Variants in CES5A observed in about 807,000 individuals in gnomAD.
CES5A encodes the protein carboxylesterase 5.
CES5A carries 67 observed loss-of-function variants against 62.9 expected under a neutral mutation model. The observed-to-expected ratio is 1.07, with a 90% CI of 0.88 to 1.31. The LOEUF (loss-of-function observed/expected upper bound fraction) is 1.31. Among genes scored for constraint, CES5A ranks in the 50% most tolerant of loss-of-function variants. CES5A has a pLI of 0.00. For missense variants in CES5A, 748 were observed against 708.5 expected (o/e 1.06, Z -0.63); for synonymous variants, 296 against 280.8 (o/e 1.05, Z -0.54).
chr16:55,912,773 G>T (rs1229068950), intron 1 of CES5A, among the ~76,000 whole-genome samples: 1 of 152,134 alleles, frequency 6.6e-6, no homozygotes, highest in Non-Finnish European at 1.5e-5. Flanking sequence ...ACTCACAGAC[G>T]CCTAGAACTG....
At chr16:55,910,186 C>G (rs962889870) in intron 1 of CES5A, among the ~76,000 whole-genome samples, 2 of 152,214 alleles carry the variant, frequency 1.3e-5, no homozygotes, top group Non-Finnish European at 2.9e-5. Flanking sequence ...TCACTCCTAG[C>G]TAAGAGGAAT....
chr16:55,884,209 A>G (rs1207234538), intron 1 of CES5A, among the ~76,000 whole-genome samples: 5 of 152,226 alleles, frequency 3.3e-5, no homozygotes, highest in Non-Finnish European at 5.9e-5. Flanking sequence ...GGAACTGAGC[A>G]AAGATTTGTG....
At chr16:55,854,532 T>TTTCTGTTTTCTTTCTTTTGTTTTTTTC (rs1491341397) in intron 9 of CES5A, among the ~76,000 whole-genome samples, 1 of 59,122 alleles carries the variant, frequency 1.7e-5, no homozygotes. Context: ...GTAGTGTTTC[T>TTTCTGTTTTCTTTCTTTTGTTTTTTTC]TTTTTTTTTT....
chr16:55,893,786 A>G lies in CES5A; in HGVS notation c.-255-19749T>C, dbSNP rs543767066. 2.6e-5 allele frequency among the ~76,000 whole-genome samples: 4 copies of G among 152,336 alleles called. No individual in the cohort carries two copies. The East Asian group carries it at 7.7e-4, about 29-fold the overall frequency. ...GTAATTGAAATCCAAAAGAGCAAAGAAAGAGAACAATGTTGCACAACTATT... is the reference window on the plus strand; with the variant it reads ...GTAATTGAAATCCAAAAGAGCAAAGGAAGAGAACAATGTTGCACAACTATT... On this transcript the variant is annotated intron_variant, in intron 1 of 12. Coordinates refer to the CES5A transcript ENST00000518005.
At chr16:55,949,986 T>C in intron 1 of CES5A, 2 of 508,170 alleles carry the variant, frequency 3.9e-6, no homozygotes, top group Non-Finnish European at 6.1e-6. Flanking sequence ...ATACAGCATA[T>C]AAGTAAGAAT....
chr16:55,886,125 TGTTAC>T (rs1375930527), intron 1 of CES5A, among the ~76,000 whole-genome samples: 3 of 152,194 alleles, frequency 2.0e-5, no homozygotes, highest in African/African-American at 7.2e-5. Flanking sequence ...AAAATTCAAC[TGTTAC>T]ATACCAGCCA....
chr16:55,879,371 C>T (rs1443909261), upstream of CES5A, among the ~76,000 whole-genome samples: 1 of 151,908 alleles, frequency 6.6e-6, no homozygotes, highest in Non-Finnish European at 1.5e-5. Flanking sequence ...ACCCCCATTA[C>T]TGCGCCCTAC....
At chr16:55,892,260 C>A (rs748398350) in intron 1 of CES5A, among the ~76,000 whole-genome samples, 1 of 152,166 alleles carries the variant, frequency 6.6e-6, no homozygotes, top group Non-Finnish European at 1.5e-5. Flanking sequence ...CACACACCCC[C>A]ACACCACCAT....
In CES5A at chr16:55,935,346, T is replaced by C. The variant is rs187155951; in HGVS notation, c.160+14439A>G. Reference sequence around the variant, plus strand: ...TCTTATCTGTGGGAGAGTCAGCCTTTCTGTTCTATTTCAGCTTTCAACTGA... The same window carrying C: ...TCTTATCTGTGGGAGAGTCAGCCTTCCTGTTCTATTTCAGCTTTCAACTGA... On this transcript the variant is annotated intron_variant, in intron 2 of 13. Coordinates refer to the CES5A transcript ENST00000521992. 3.3e-3 allele frequency among the ~76,000 whole-genome samples: 499 copies of C among 152,336 alleles called. 2 individuals are homozygous for C. Among genetic ancestry groups the C allele is most frequent in the Non-Finnish European group, 5.3e-3 (361 of 68,026 alleles).
chr16:55,889,257 G>A (rs1467618612), intron 1 of CES5A, among the ~76,000 whole-genome samples: 7 of 152,048 alleles, frequency 4.6e-5, no homozygotes, highest in African/African-American at 1.2e-4. Flanking sequence ...TGCCAGCTGG[G>A]TATCTTCTAA....
At position 55,854,640 on chromosome 16, in the gene CES5A, C is replaced by T. The variant is rs1290020191; in HGVS notation, c.1126-1612G>A. ...CTTCAAATTCCCAGGCTCAACAATC[C>T]TCCTGCTTGGCCTCCCAAGTAGCTG... is the stretch of plus-strand genomic sequence containing the variant. On this transcript the variant is annotated intron_variant, in intron 9 of 12. Coordinates refer to ENST00000290567, the MANE Select transcript of CES5A (RefSeq NM_001143685.2). Among the ~76,000 whole-genome samples the T allele has an allele frequency of 3.4e-5, 5 of 148,454 alleles. No individual in the cohort carries two copies. In the East Asian group the frequency reaches 1.0e-3, roughly 30 times the overall value.
chr16:55,862,031 T>C (rs1301435122), intron 6 of CES5A, among the ~76,000 whole-genome samples: 2 of 152,128 alleles, frequency 1.3e-5, no homozygotes, highest in East Asian at 1.9e-4. Flanking sequence ...CCTACCTGTC[T>C]TTTTCCCTGC....
intron 8 of CES5A, 80 bp downstream of exon 8, chr16:55,859,467 C>A (rs1347543343): frequency 2.1e-6 from 3 of 1,404,710 alleles, no homozygotes; most frequent in Non-Finnish European, 3.0e-6. Context: ...CTGATGTCTT[C>A]TGTGGAAATG....
At chr16:55,943,187 A>C (rs2142480875) in intron 2 of CES5A, among the ~76,000 whole-genome samples, 1 of 152,346 alleles carries the variant, frequency 6.6e-6, no homozygotes, top group Non-Finnish European at 1.5e-5. Flanking sequence ...TAAAAAAGAA[A>C]CCATTTATAA....
intron 1 of CES5A, among the ~76,000 whole-genome samples, chr16:55,905,772 T>C (rs1483995319): frequency 6.6e-6 from 1 of 152,198 alleles, no homozygotes; most frequent in Middle Eastern, 3.2e-3. Flanking sequence ...CAGATAAAGT[T>C]GGGCCTTAGC....
intron 10 of CES5A, among the ~76,000 whole-genome samples, chr16:55,850,797 G>A (rs940783311): frequency 1.1e-4 from 17 of 152,146 alleles, no homozygotes; most frequent in Non-Finnish European, 4.4e-5. Flanking sequence ...TTGAGGAACG[G>A]CCACAACTTT....
chr16:55,937,613 G>A (rs1473760256), intron 2 of CES5A, among the ~76,000 whole-genome samples: 2 of 152,200 alleles, frequency 1.3e-5, no homozygotes, highest in Admixed American at 6.5e-5. Context: ...AAGCCAAGTG[G>A]GCATATCATA....
chr16:55,850,919 G>A lies in CES5A; in HGVS notation c.1274-1146C>T, dbSNP rs1405395091. On this transcript the variant is annotated intron_variant, in intron 10 of 12. Transcript: ENST00000290567. ...TCCTTTTCTTTTTAAAAAAATTATAGCCACCCTAGTATATGACACATGCAA... is the reference window on the plus strand; with the variant it reads ...TCCTTTTCTTTTTAAAAAAATTATAACCACCCTAGTATATGACACATGCAA... Among the ~76,000 whole-genome samples, 3 of 151,906 alleles carry A rather than the reference G, an allele frequency of 2.0e-5. No homozygotes were observed. In the East Asian group the frequency reaches 5.8e-4, roughly 29 times the overall value.
chr16:55,944,255 A>G (rs2034472105), intron 2 of CES5A: 1 of 610,024 alleles, frequency 1.6e-6, no homozygotes, highest in East Asian at 2.7e-5. Flanking sequence ...TTTTTGCCTC[A>G]CCCATAAAAT....
Sources: gnomAD v4.1 joint callset for allele counts (sites outside exome capture counted in the v4.1 genomes callset) on GRCh38, gnomAD v4.1.1 for gene constraint, MANE v1.5 for transcripts, NCBI Gene and HGNC (gene_info 2026-07-23, HGNC 2026-07-21) for gene names.